The following DMD variants were observed in gnomAD, a reference collection of about 807,000 sequenced individuals.
DMD encodes the protein dystrophin, also known as mutant dystrophin.
A neutral mutation model predicts 330.1 loss-of-function variants in DMD; 63 were observed. The ratio of observed to expected loss-of-function variants is 0.19; its 90% CI spans 0.16 to 0.24. DMD has a LOEUF of 0.24. Among genes scored for constraint, DMD ranks in the 10% least tolerant of loss-of-function variants. The pLI, the probability that DMD is intolerant of heterozygous loss-of-function variation, is 1.00. For missense variants in DMD, 3,344 were observed against 2,684.1 expected, an observed-to-expected ratio of 1.25 and a Z score of -5.43; for synonymous variants, 1,223 against 959.8, an observed-to-expected ratio of 1.27 and a Z score of -5.07.
intron 44 of DMD, among the ~76,000 whole-genome samples, chrX:32,105,869 C>A (rs2096561795): frequency 8.9e-6 from 1 of 111,899 alleles, no homozygotes; most frequent in African/African-American, 3.2e-5. Context: ...GTTTAAACTT[C>A]ACCATAATGA....
intron 13 of DMD, among the ~76,000 whole-genome samples, chrX:32,576,389 C>A (rs749155714): frequency 9.0e-6 from 1 of 110,790 alleles, no homozygotes; most frequent in East Asian, 2.9e-4. Flanking sequence ...CATATTTGAA[C>A]TGCCACCATA....
At chrX:32,301,651 G>A (rs1375722014) in intron 42 of DMD, among the ~76,000 whole-genome samples, 1 of 110,390 alleles carries the variant, frequency 9.1e-6, no homozygotes, top group Non-Finnish European at 1.9e-5. Flanking sequence ...TTTTTAAATG[G>A]CAAAGGAAAG....
At position 31,856,595 on chromosome X, in the gene DMD, G is replaced by A. The variant is rs781318679; in HGVS notation, c.7098+18593C>T. 2.7e-5 allele frequency among the ~76,000 whole-genome samples: 3 copies of A among 112,211 alleles called. No individual in the cohort carries two copies. The South Asian group carries it at 1.1e-3, about 41-fold the overall frequency. Reference sequence around the variant, plus strand: ...TACTATTCATAATGGACTCATTGAAGATACTAAAGATAATAAAATAACAAT... The same window carrying A: ...TACTATTCATAATGGACTCATTGAAAATACTAAAGATAATAAAATAACAAT... On this transcript the variant is annotated intron_variant, in intron 48 of 78. Transcript: ENST00000357033.
intron 61 of DMD, among the ~76,000 whole-genome samples, chrX:31,337,339 C>T (rs1261060596): frequency 9.0e-6 from 1 of 111,577 alleles, no homozygotes; most frequent in African/African-American, 3.3e-5. Flanking sequence ...CCTGCAGTCG[C>T]CTGAAATCAA....
chrX:31,196,977 C>G (rs1221490717), intron 67 of DMD, among the ~76,000 whole-genome samples: 19 of 110,076 alleles, frequency 1.7e-4, no homozygotes, highest in African/African-American at 5.6e-4. Context: ...ATGCAATCCA[C>G]AGATGATGTT....
intron 54 of DMD, among the ~76,000 whole-genome samples, chrX:31,655,534 G>T (rs1473989744): frequency 9.0e-6 from 1 of 111,270 alleles, no homozygotes; most frequent in East Asian, 2.8e-4. Flanking sequence ...GAATGCTATG[G>T]TTTAATGTTT....
intron 1 of DMD, among the ~76,000 whole-genome samples, chrX:33,334,060 C>T (rs896513443): frequency 6.3e-5 from 7 of 111,168 alleles, no homozygotes; most frequent in Admixed American, 1.9e-4. Context: ...CATACACTAA[C>T]GGAAAAGCAG....
At chrX:32,782,265 G>A (rs1214372702) in intron 7 of DMD, among the ~76,000 whole-genome samples, 1 of 111,632 alleles carries the variant, frequency 9.0e-6, no homozygotes, top group East Asian at 2.8e-4. Flanking sequence ...CAGACTTGGT[G>A]TGTATAGTAT....
intron 55 of DMD, among the ~76,000 whole-genome samples, chrX:31,559,760 T>C (rs1160210105): frequency 9.2e-6 from 1 of 109,178 alleles, no homozygotes; most frequent in Admixed American, 9.7e-5. Flanking sequence ...ACCCTCACAC[T>C]GTTTGAGGGT....
intron 60 of DMD, among the ~76,000 whole-genome samples, chrX:31,364,896 G>A (rs2059146992): frequency 9.1e-6 from 1 of 110,230 alleles, no homozygotes; most frequent in South Asian, 3.9e-4. Context: ...AGGAGATCGA[G>A]GCCATCCTGG....
chrX:32,673,895 A>C (rs2061793505), intron 9 of DMD, among the ~76,000 whole-genome samples: 1 of 111,951 alleles, frequency 8.9e-6, no homozygotes, highest in Non-Finnish European at 1.9e-5. Flanking sequence ...ATTGATAAGA[A>C]CAAATACTGA....
At chrX:32,706,039 T>C (rs1322614152) in intron 7 of DMD, among the ~76,000 whole-genome samples, 1 of 108,647 alleles carries the variant, frequency 9.2e-6, no homozygotes, top group African/African-American at 3.4e-5. Context: ...TGGAATACTA[T>C]GCAGTCATAA....
chrX:32,309,410 C>T (rs28588634), intron 42 of DMD, among the ~76,000 whole-genome samples: 22,809 of 110,094 alleles, frequency 0.21, 2,782 homozygotes, highest in African/African-American at 0.45. Context: ...TCTGGAGACA[C>T]ATTATTATGT....
intron 60 of DMD, among the ~76,000 whole-genome samples, chrX:31,422,032 TATATATATATA>T (rs1476446948): frequency 0.032 from 276 of 8,712 alleles, 6 homozygotes; most frequent in Non-Finnish European, 0.13. Context: ...CACACACATA[TATATATATATA>T]TTTTTTTTTT....
intron 11 of DMD, among the ~76,000 whole-genome samples, chrX:32,626,530 G>T (rs949438301): frequency 4.8e-5 from 5 of 105,185 alleles, no homozygotes; most frequent in Non-Finnish European, 9.4e-5. Context: ...GGTTCTTATA[G>T]ATAGATTAGT....
chrX:32,731,670 A>T (rs761072364), intron 7 of DMD, among the ~76,000 whole-genome samples: 1 of 111,922 alleles, frequency 8.9e-6, no homozygotes, highest in Non-Finnish European at 1.9e-5. Flanking sequence ...CTCACACGGC[A>T]GGGTACTCCA....
intron 16 of DMD, among the ~76,000 whole-genome samples, chrX:32,551,117 T>C (rs781771940): frequency 2.3e-4 from 26 of 111,347 alleles, no homozygotes; most frequent in Admixed American, 1.4e-3. Flanking sequence ...GAGCGGCTCC[T>C]TCCTAACTCA....
intron 62 of DMD, among the ~76,000 whole-genome samples, chrX:31,268,654 A>G (rs973712966): frequency 3.6e-5 from 4 of 112,265 alleles, no homozygotes; most frequent in African/African-American, 1.3e-4. Flanking sequence ...ATGAGGAAGT[A>G]GTGCCCTTTG....
At chrX:32,486,519 C>G (rs773083730) in intron 20 of DMD, among the ~76,000 whole-genome samples, 42 of 110,664 alleles carry the variant, frequency 3.8e-4, no homozygotes, top group African/African-American at 1.2e-3. Flanking sequence ...TCATATGGAA[C>G]CAAAAAAGAG....
Sources: allele counts gnomAD v4.1 joint callset (sites outside exome capture counted in the v4.1 genomes callset), GRCh38; gene constraint gnomAD v4.1.1; transcripts MANE v1.5; gene names NCBI Gene and HGNC (gene_info 2026-07-23, HGNC 2026-07-21).